Variants in GALNT17 observed in about 807,000 individuals in gnomAD.
GALNT17 encodes the protein UDP-GalNAc:polypeptide N-acetylgalactosaminyltransferase-like 3.
A neutral mutation model predicts 63.7 loss-of-function variants in GALNT17; 29 were observed. That is an observed-to-expected ratio of 0.46 (90% CI 0.34 to 0.62). GALNT17 has a LOEUF of 0.62. Ranked by LOEUF, GALNT17 falls within the 20% of genes least tolerant of loss-of-function variation. The pLI is 0.01. For synonymous variants in GALNT17, 305 were observed against 318.3 expected (o/e 0.96, Z 0.45); for missense variants, 603 against 799.6 (o/e 0.75, Z 2.97).
intron 1 of GALNT17, among the ~76,000 whole-genome samples, chr7:71,213,265 G>A (rs1319606514): frequency 1.3e-5 from 2 of 152,034 alleles, no homozygotes; most frequent in Non-Finnish European, 2.9e-5. Flanking sequence ...TTTTTCTCTT[G>A]CTGCCACCAT....
At chr7:71,544,124 CTTTTTTTTT>C (rs60144462) in intron 5 of GALNT17, among the ~76,000 whole-genome samples, 3 of 132,424 alleles carry the variant, frequency 2.3e-5, no homozygotes, top group African/African-American at 8.6e-5. Flanking sequence ...TTTCTTTTTT[CTTTTTTTTT>C]TTTTTTTTTT....
rs113660287 is a variant in GALNT17 at position 71,560,829 on chromosome 7, C to A, written c.963-10456C>A. 5.0e-3 allele frequency among the ~76,000 whole-genome samples: 759 copies of A among 152,218 alleles called. 6 individuals are homozygous for A. The highest frequency in any genetic ancestry group is 0.017 in the African/African-American group (705 of 41,532). Reference sequence around the variant, plus strand: ...CTCAAATTGAGCACATTCCTATAATCCCTGGAGACCCTGCCTGTTTGCTTA... The same window carrying A: ...CTCAAATTGAGCACATTCCTATAATACCTGGAGACCCTGCCTGTTTGCTTA... On this transcript the variant is annotated intron_variant, in intron 5 of 10. Coordinates refer to ENST00000333538, the MANE Select transcript of GALNT17 (RefSeq NM_022479.3).
At chr7:71,684,214 T>C (rs1288687058) in intron 9 of GALNT17, among the ~76,000 whole-genome samples, 1 of 152,112 alleles carries the variant, frequency 6.6e-6, no homozygotes, top group Non-Finnish European at 1.5e-5. Flanking sequence ...TTGGCTACCC[T>C]GCACGGAGAG....
chr7:71,340,736 A>G (rs1791992867), intron 2 of GALNT17, among the ~76,000 whole-genome samples: 1 of 152,186 alleles, frequency 6.6e-6, no homozygotes, highest in African/African-American at 2.4e-5. Flanking sequence ...TAGATATATT[A>G]AGATAATAAT....
intron 3 of GALNT17, among the ~76,000 whole-genome samples, chr7:71,394,285 T>G: frequency 6.6e-6 from 1 of 152,098 alleles, no homozygotes; most frequent in East Asian, 1.9e-4. Context: ...GGAACTAAGA[T>G]GGAGAACTCA....
chr7:71,526,383 C>T (rs922453421), intron 5 of GALNT17, among the ~76,000 whole-genome samples: 2 of 151,712 alleles, frequency 1.3e-5, no homozygotes, highest in Admixed American at 6.5e-5. Context: ...AGACTTCTCA[C>T]ACTGAAATGC....
At chr7:71,139,657 G>A (rs1392885044) in intron 1 of GALNT17, among the ~76,000 whole-genome samples, 7 of 152,072 alleles carry the variant, frequency 4.6e-5, no homozygotes, top group African/African-American at 1.7e-4. Context: ...ACAGAGAGAG[G>A]AAGAGATTTG....
intron 6 of GALNT17, among the ~76,000 whole-genome samples, chr7:71,616,140 T>C (rs1402993400): frequency 6.6e-6 from 1 of 152,078 alleles, no homozygotes; most frequent in East Asian, 1.9e-4. Context: ...GAGTGGGGCT[T>C]TGTCAGTGGT....
chr7:71,576,566 T>TG lies in GALNT17; in HGVS notation c.1080+5164_1080+5165insG, dbSNP rs1554311353. Among the ~76,000 whole-genome samples, 105 of 150,152 alleles carry TG rather than the reference T, an allele frequency of 7.0e-4. 1 individual carries two copies. Among genetic ancestry groups the TG allele is most frequent in the African/African-American group, 7.1e-4 (29 of 40,762 alleles). The stretch of plus-strand genomic sequence containing the variant: ...GTGTGTGTGTGTGTGTGTGTGTGTG[T>TG]TTTGTTTGTTTGTTTGTTTTTTGAG... On this transcript the variant is annotated intron_variant, in intron 6 of 10. Transcript: ENST00000333538.
At chr7:71,292,002 A>C (rs952474131) in intron 1 of GALNT17, among the ~76,000 whole-genome samples, 2 of 152,184 alleles carry the variant, frequency 1.3e-5, no homozygotes, top group African/African-American at 2.4e-5. Context: ...AATAAAAATA[A>C]TTAGGGCTGT....
At chr7:71,627,039 G>C (rs140427355) in intron 6 of GALNT17, among the ~76,000 whole-genome samples, 186 of 152,256 alleles carry the variant, frequency 1.2e-3, no homozygotes, top group East Asian at 7.7e-3. Context: ...AAAACCTCAG[G>C]CTCAGTTTTT....
At chr7:71,226,175 C>T (rs1789676570) in intron 1 of GALNT17, among the ~76,000 whole-genome samples, 1 of 152,160 alleles carries the variant, frequency 6.6e-6, no homozygotes, top group African/African-American at 2.4e-5. Context: ...CACCAGGGTC[C>T]TTCTTTAGGA....
intron 2 of GALNT17, among the ~76,000 whole-genome samples, chr7:71,387,739 C>T (rs1422890490): frequency 6.6e-6 from 1 of 151,916 alleles, no homozygotes; most frequent in Non-Finnish European, 1.5e-5. Flanking sequence ...TGCGGTGTGC[C>T]CTGAAGCTCA....
At chr7:71,501,017 T>G (rs1378626521) in intron 5 of GALNT17, among the ~76,000 whole-genome samples, 1 of 145,712 alleles carries the variant, frequency 6.9e-6, no homozygotes, top group Non-Finnish European at 1.5e-5. Context: ...TTACCCAGGC[T>G]GGAGTGCAGT....
intron 1 of GALNT17, among the ~76,000 whole-genome samples, chr7:71,135,081 G>T (rs1489159246): frequency 6.6e-6 from 1 of 151,948 alleles, no homozygotes; most frequent in Non-Finnish European, 1.5e-5. Flanking sequence ...CGAATTCCTG[G>T]CTTCAAGCAA....
intron 6 of GALNT17, among the ~76,000 whole-genome samples, chr7:71,579,370 A>G (rs1158115478): frequency 1.3e-5 from 2 of 152,238 alleles, no homozygotes. Flanking sequence ...TGGAGCTACC[A>G]CAGTCAATAC....
chr7:71,700,550 T>G (rs1791616291), intron 9 of GALNT17, among the ~76,000 whole-genome samples: 1 of 152,138 alleles, frequency 6.6e-6, no homozygotes, highest in Admixed American at 6.5e-5. Context: ...TCACCTGCAC[T>G]AGACCCAGCT....
At chr7:71,156,285 A>G (rs973027370) in intron 1 of GALNT17, among the ~76,000 whole-genome samples, 1 of 151,864 alleles carries the variant, frequency 6.6e-6, no homozygotes, top group Non-Finnish European at 1.5e-5. Flanking sequence ...AGAGCAGGCT[A>G]GGGCTTCCCA....
At chr7:71,432,069 G>A (rs769563416) in intron 5 of GALNT17, among the ~76,000 whole-genome samples, 5 of 152,068 alleles carry the variant, frequency 3.3e-5, no homozygotes, top group Non-Finnish European at 7.3e-5. Flanking sequence ...CAGCTACTCG[G>A]GAAGCTGAGG....
Sources: gnomAD v4.1 joint callset for allele counts (sites outside exome capture counted in the v4.1 genomes callset) on GRCh38, gnomAD v4.1.1 for gene constraint, MANE v1.5 for transcripts, NCBI Gene and HGNC (gene_info 2026-07-23, HGNC 2026-07-21) for gene names.